The following NIBAN3 variants were observed in gnomAD, a reference collection of about 807,000 sequenced individuals.
NIBAN3 encodes niban apoptosis regulator 3.
A neutral mutation model predicts 76.4 loss-of-function variants in NIBAN3; 66 were observed. The ratio of observed to expected loss-of-function variants is 0.86; its 90% confidence interval spans 0.71 to 1.06. NIBAN3 has a LOEUF of 1.06. Among genes scored for constraint, NIBAN3 ranks in the 50% least tolerant of loss-of-function variants. The probability of loss-of-function intolerance (pLI) is 0.00; values close to 1 mark genes in which losing one functional copy is unlikely to be tolerated. For missense variants in NIBAN3, 808 were observed against 810.7 expected, an observed-to-expected ratio of 1.00 and a Z score of 0.04; for synonymous variants, 360 against 355.2, an observed-to-expected ratio of 1.01 and a Z score of -0.15.
intron 1 of NIBAN3, 31 bp downstream of exon 1, chr19:17,527,426 G>T: frequency 6.8e-7 from 1 of 1,480,844 alleles, no homozygotes. Context: ...CAGGGTGGGA[G>T]TCCAGGTGGG....
rs200159429 is a variant in NIBAN3 at position 17,539,614 on chromosome 19, C to G, written c.828C>G (p.Ala276=). 2.5e-3 allele frequency: 3,895 copies of G among 1,555,626 alleles called. 11 individuals are homozygous for G. Among genetic ancestry groups the G allele is most frequent in the Non-Finnish European group, 2.6e-3 (2,969 of 1,145,948 alleles). ...ACCGGTCTGGGCAGCTTCTAGACGC[C>G]GTTCACGCAGCTGTCCTGGCCGGGG... ...RAWAWTELLD[A]VHAAVLAGAS... The change falls in exon 8 of 15, where the codon GCC becomes GCG. Residue 276 remains alanine, a synonymous_variant. Coordinates refer to ENST00000599164, the MANE Select transcript of NIBAN3 (RefSeq NM_001321827.2).
Position 17,553,574 on chromosome 19 carries a change from ACCTTTCCACCTATTTCCCTCCAAC to A in NIBAN3, c.*1679_*1702del. The A allele has an allele frequency of 6.2e-7, 1 of 1,609,210 alleles. No homozygotes were observed. The highest frequency in any genetic ancestry group is 1.7e-5 in the Admixed American group (1 of 59,986). On this transcript the variant is annotated 3_prime_UTR_variant, in exon 15 of 15. Coordinates refer to ENST00000599164, the MANE Select transcript of NIBAN3 (RefSeq NM_001321827.2). ...ACCCCAAGACAATGAGATATTCCTGACCTTTCCACCTATTTCCCTCCAACCCCACCTTCCGAAATACATTTGCTC... is the reference window on the plus strand; with the variant it reads ...ACCCCAAGACAATGAGATATTCCTGACCCACCTTCCGAAATACATTTGCTC...
At chr19:17,527,543 G>C in intron 1 of NIBAN3, 148 bp downstream of exon 1, 1 of 877,188 alleles carries the variant, frequency 1.1e-6, no homozygotes, top group East Asian at 3.0e-5. Flanking sequence ...TAAATTTCAC[G>C]CAGTGAATCT....
chr19:17,539,528 A>T (rs1484395074), intron 7 of NIBAN3, 75 bp from the exon 8 acceptor site: 21 of 1,464,798 alleles, frequency 1.4e-5, no homozygotes, highest in Non-Finnish European at 1.8e-6. Context: ...TGTCGCCTAA[A>T]CCCTCTCCCG....
chr19:17,535,233 G>A (rs1190250577), intron 4 of NIBAN3, among the ~76,000 whole-genome samples: 4 of 152,178 alleles, frequency 2.6e-5, no homozygotes, highest in South Asian at 4.1e-4. Context: ...GAGGCCAGGA[G>A]TTCCAGACCA....
intron 6 of NIBAN3, 33 bp downstream of exon 6, chr19:17,539,298 C>T: frequency 6.4e-7 from 1 of 1,566,328 alleles, no homozygotes; most frequent in Non-Finnish European, 8.6e-7. Flanking sequence ...CCCGGGACCC[C>T]CAGGACCCTC....
At chr19:17,546,237 T>C (rs1221517808) in intron 12 of NIBAN3, 1 of 159,908 alleles carries the variant, frequency 6.3e-6, no homozygotes, top group Admixed American at 6.1e-5. Context: ...ATTAATGATA[T>C]TCATATATAA....
In NIBAN3 at chr19:17,539,716, C is replaced by G; in HGVS notation, c.930C>G (p.Asp310Glu). 1 of 1,547,278 alleles carries G rather than the reference C, an allele frequency of 6.5e-7. No individual in the cohort carries two copies. The highest frequency in any genetic ancestry group is 2.4e-5 in the East Asian group (1 of 41,430). Residue 310 changes from aspartate (D) to glutamate (E), a missense_variant, in exon 8 of 15, where the codon GAC becomes GAG. Transcript: ENST00000599164. Reference sequence around the variant, plus strand: ...CGCTGGAGAAGACGATCCGCCCGGACGTGGACCAGCTGCTGCGGCAGCGGG... The same window carrying G: ...CGCTGGAGAAGACGATCCGCCCGGAGGTGGACCAGCTGCTGCGGCAGCGGG... ...LASLEKTIRP[D>E]VDQLLRQRAR...
intron 12 of NIBAN3, chr19:17,545,266 A>C (rs1022567041): frequency 6.5e-6 from 1 of 154,320 alleles, no homozygotes; most frequent in African/African-American, 2.5e-5. Flanking sequence ...CAGTGGTGTG[A>C]TCTTGGCTCA....
chr19:17,540,619 G>A lies in NIBAN3; in HGVS notation c.1170+37G>A, dbSNP rs747717294. 9 of 1,362,964 alleles carry A rather than the reference G, an allele frequency of 6.6e-6. No homozygotes were observed. The South Asian group carries it at 9.8e-5, about 15-fold the overall frequency. The allele number at this position is 1,362,964 out of a possible 1,614,324, so 84.4% of individuals were successfully genotyped here. ...TGGGTAGGGGTTCAGTGAGCCAGAGGGTGATGTGTTAACTTGAGTCTTTCC... is the reference window on the plus strand; with the variant it reads ...TGGGTAGGGGTTCAGTGAGCCAGAGAGTGATGTGTTAACTTGAGTCTTTCC... On this transcript the variant is annotated intron_variant, in intron 9 of 14. Coordinates refer to ENST00000599164, the MANE Select transcript of NIBAN3 (RefSeq NM_001321827.2).
chr19:17,539,433 CGCCTGG>C lies in NIBAN3; in HGVS notation c.805_810del (p.Ala269_Trp270del), dbSNP rs755883774. On this transcript the variant is annotated inframe_deletion, in exon 7 of 15. Coordinates refer to ENST00000599164, the MANE Select transcript of NIBAN3 (RefSeq NM_001321827.2). Reference sequence around the variant, plus strand: ...GCCTGCGGGGGGCAGGCCGCGCCCGCGCCTGGGCCTGGACCGAGGTATGCACGGCGT... The same window carrying C: ...GCCTGCGGGGGGCAGGCCGCGCCCGCGCCTGGACCGAGGTATGCACGGCGT... 4.7e-6 allele frequency: 7 copies of C among 1,500,956 alleles called. No homozygotes were observed. The South Asian group carries it at 9.0e-5, about 19-fold the overall frequency. 93.0% of individuals were successfully genotyped at this position (1,500,956 alleles called of 1,614,324 possible). A position where few individuals can be genotyped will look rare whatever the true frequency, so the allele number is the denominator to read the frequency against.
intron 13 of NIBAN3, among the ~76,000 whole-genome samples, chr19:17,547,668 A>C (rs2076084389): frequency 7.7e-6 from 1 of 129,820 alleles, no homozygotes; most frequent in Admixed American, 7.9e-5. Context: ...TCCATCTTTT[A>C]TTTTTTATTT....
At position 17,552,913 on chromosome 19, in the gene NIBAN3, A is replaced by AAAATAAAATAAAT. The variant is rs771426222; in HGVS notation, c.*1022_*1023insATAAATAAATAAA. Reference sequence around the variant, plus strand: ...GTGAAACCTGTCTCTACTAAAAAATAAAATAAATAAATAAATAAATAAATA... The same window carrying AAAATAAAATAAAT: ...GTGAAACCTGTCTCTACTAAAAAATAAAATAAAATAAATAAATAAATAAATAAATAAATAAATA... On this transcript the variant is annotated 3_prime_UTR_variant, in exon 15 of 15. Coordinates refer to ENST00000599164, the MANE Select transcript of NIBAN3 (RefSeq NM_001321827.2). The AAAATAAAATAAAT allele has an allele frequency of 6.9e-6, 1 of 144,798 alleles. No homozygotes were observed. Among genetic ancestry groups the AAAATAAAATAAAT allele is most frequent in the East Asian group, 2.1e-4 (1 of 4,854 alleles). 9.0% of individuals were successfully genotyped at this position (144,798 alleles called of 1,614,324 possible). A position where few individuals can be genotyped will look rare whatever the true frequency, so the allele number is the denominator to read the frequency against.
At chr19:17,540,868 G>A (rs1257788363) in intron 9 of NIBAN3, among the ~76,000 whole-genome samples, 1 of 152,172 alleles carries the variant, frequency 6.6e-6, no homozygotes, top group Non-Finnish European at 1.5e-5. Flanking sequence ...CAAGTAGCTG[G>A]AAATACAGGC....
At chr19:17,532,832 G>A (rs951333805) in intron 3 of NIBAN3, among the ~76,000 whole-genome samples, 7 of 152,092 alleles carry the variant, frequency 4.6e-5, no homozygotes, top group Admixed American at 6.6e-5. Flanking sequence ...TGGGGAGCCC[G>A]TGGGTGCTGG....
chr19:17,527,973 C>A (rs1047162530), intron 1 of NIBAN3, among the ~76,000 whole-genome samples: 69 of 151,660 alleles, frequency 4.5e-4, no homozygotes, highest in African/African-American at 1.5e-3. Context: ...GGATTACAGG[C>A]GGGAGCCACT....
intron 12 of NIBAN3, chr19:17,546,110 T>TA (rs1568461618): frequency 4.4e-6 from 1 of 227,520 alleles, no homozygotes; most frequent in Non-Finnish European, 9.2e-6. Flanking sequence ...CTTCTGGTCA[T>TA]ACCTCACTAT....
In NIBAN3 at chr19:17,542,353, C is replaced by T; in HGVS notation, c.1329+59C>T. ...CTGTGAAGACAGCCTCCACTGACCT[C>T]CTGCTAAGTGTGCCCTGGAGAGACC... On this transcript the variant is annotated intron_variant, in intron 10 of 14. Coordinates refer to ENST00000599164, the MANE Select transcript of NIBAN3 (RefSeq NM_001321827.2). This position sits in a 1 kb window ranked among gnomAD's most constrained non-coding sequence, Gnocchi z 4.8. 2 of 1,519,584 alleles carry T rather than the reference C, an allele frequency of 1.3e-6. No homozygotes were observed. Among genetic ancestry groups the T allele is most frequent in the Non-Finnish European group, 1.8e-6 (2 of 1,129,024 alleles). 94.1% of individuals were successfully genotyped at this position (1,519,584 alleles called of 1,614,324 possible).
At chr19:17,536,281 C>T (rs113653973) in intron 4 of NIBAN3, among the ~76,000 whole-genome samples, 10 of 152,314 alleles carry the variant, frequency 6.6e-5, no homozygotes, top group African/African-American at 2.4e-4. Flanking sequence ...ACCTCCGCCT[C>T]CCAGGCTCAA....
Sources: allele counts gnomAD v4.1 joint callset (sites outside exome capture counted in the v4.1 genomes callset), GRCh38; gene constraint gnomAD v4.1.1; non-coding constraint Gnocchi (gnomAD v3.1); transcripts MANE v1.5; gene names NCBI Gene and HGNC (gene_info 2026-07-23, HGNC 2026-07-21).